Variants in ADAMTSL1 observed in about 807,000 individuals in gnomAD.
ADAMTSL1 encodes the protein ADAMTS like 1.
ADAMTSL1 carries 126 observed loss-of-function variants against 201.8 expected under a neutral mutation model. The observed-to-expected ratio is 0.62, with a 90% confidence interval of 0.54 to 0.72. The LOEUF (loss-of-function observed/expected upper bound fraction) is 0.72. Ranked by LOEUF, ADAMTSL1 falls within the 30% of genes least tolerant of loss-of-function variation. ADAMTSL1 has a pLI of 0.00. For synonymous variants in ADAMTSL1, 1,121 were observed against 903.4 expected, an observed-to-expected ratio of 1.24 and a Z score of -4.32; for missense variants, 2,679 against 2,277.8, an observed-to-expected ratio of 1.18 and a Z score of -3.59.
intron 23 of ADAMTSL1, among the ~76,000 whole-genome samples, chr9:18,883,849 G>T (rs1416134175): frequency 1.3e-5 from 2 of 151,818 alleles, no homozygotes; most frequent in Non-Finnish European, 2.9e-5. Context: ...AAATCTTTTG[G>T]GTATTATGAA....
intron 2 of ADAMTSL1, 141 bp downstream of exon 2, chr9:18,505,097 A>C (rs1823054590): frequency 3.5e-6 from 4 of 1,138,974 alleles, no homozygotes; most frequent in East Asian, 5.8e-5. Context: ...ACGTACAAAT[A>C]ATTAAATTTG....
chr9:18,842,348 T>C (rs1386931381), intron 23 of ADAMTSL1, among the ~76,000 whole-genome samples: 1 of 152,138 alleles, frequency 6.6e-6, no homozygotes, highest in Admixed American at 6.5e-5. Flanking sequence ...TTGAGCAGTT[T>C]TGAGTGAGTT....
At chr9:18,743,765 T>C (rs1208612887) in intron 15 of ADAMTSL1, among the ~76,000 whole-genome samples, 1 of 152,222 alleles carries the variant, frequency 6.6e-6, no homozygotes, top group East Asian at 1.9e-4. Context: ...CTTTCAAACA[T>C]ATTTTTGCTC....
At chr9:18,737,071 C>T (rs1208594117) in intron 15 of ADAMTSL1, among the ~76,000 whole-genome samples, 1 of 152,158 alleles carries the variant, frequency 6.6e-6, no homozygotes, top group Non-Finnish European at 1.5e-5. Context: ...GTAATCCCAA[C>T]ACTTTGGAAG....
At chr9:18,008,090 G>A (rs530479287) in intron 1 of ADAMTSL1, among the ~76,000 whole-genome samples, 1 of 152,122 alleles carries the variant, frequency 6.6e-6, no homozygotes, top group South Asian at 2.1e-4. Flanking sequence ...TTTTTATTGT[G>A]AGATATTTAG....
chr9:18,770,226 A>C (rs1423538668), intron 16 of ADAMTSL1, among the ~76,000 whole-genome samples: 3 of 152,210 alleles, frequency 2.0e-5, no homozygotes, highest in African/African-American at 7.2e-5. Flanking sequence ...TCTCCTGTTC[A>C]TTCTGGAAGC....
intron 1 of ADAMTSL1, among the ~76,000 whole-genome samples, chr9:18,071,184 G>T (rs1433127205): frequency 6.6e-6 from 1 of 152,198 alleles, no homozygotes; most frequent in African/African-American, 2.4e-5. Context: ...ATGTCCCCAA[G>T]TTGACAATAG....
intron 1 of ADAMTSL1, among the ~76,000 whole-genome samples, chr9:17,908,243 C>T (rs1033567633): frequency 2.6e-5 from 4 of 152,182 alleles, no homozygotes; most frequent in Admixed American, 1.3e-4. Flanking sequence ...CACCATGCTT[C>T]GTTCCTTGTC....
chr9:18,568,827 A>G (rs1248805255), intron 3 of ADAMTSL1, among the ~76,000 whole-genome samples: 2 of 151,908 alleles, frequency 1.3e-5, no homozygotes, highest in African/African-American at 2.4e-5. Context: ...CTACACATAA[A>G]AGCATTAATA....
intron 2 of ADAMTSL1, among the ~76,000 whole-genome samples, chr9:18,246,596 C>T (rs1349385607): frequency 1.3e-5 from 2 of 152,108 alleles, no homozygotes; most frequent in Admixed American, 6.6e-5. Flanking sequence ...TATAACAGTG[C>T]TCTAAAGTAT....
At chr9:18,445,999 A>T in intron 2 of ADAMTSL1, among the ~76,000 whole-genome samples, 1 of 152,152 alleles carries the variant, frequency 6.6e-6, no homozygotes. Flanking sequence ...GTTCATGAAG[A>T]TTAGTAACCT....
At chr9:18,147,791 G>A (rs1045430264) in intron 1 of ADAMTSL1, among the ~76,000 whole-genome samples, 6 of 152,098 alleles carry the variant, frequency 3.9e-5, no homozygotes, top group African/African-American at 7.2e-5. Context: ...AAGTAGGCAT[G>A]AAAATGAACA....
At chr9:18,894,566 G>T (rs1273299977) in intron 26 of ADAMTSL1, among the ~76,000 whole-genome samples, 1 of 151,834 alleles carries the variant, frequency 6.6e-6, no homozygotes, top group Non-Finnish European at 1.5e-5. Context: ...GAGAAAGGAA[G>T]GAAGTCAAAA....
intron 2 of ADAMTSL1, among the ~76,000 whole-genome samples, chr9:18,527,102 A>G (rs889468869): frequency 6.6e-6 from 1 of 152,176 alleles, no homozygotes; most frequent in African/African-American, 2.4e-5. Context: ...AGGCTGGGTA[A>G]CAGAATGAGA....
chr9:18,795,396 G>C lies in ADAMTSL1; in HGVS notation c.3678-1G>C. On this transcript the variant is annotated splice_acceptor_variant, in intron 19 of 28. Coordinates refer to ENST00000380548, the MANE Select transcript of ADAMTSL1 (RefSeq NM_001040272.6). LOFTEE classifies it high-confidence loss of function. Reference sequence around the variant, plus strand: ...TCTATATTTCTTTTCTGTCGCTCCAGGATTCTTCTACAGCCAGATGATTCC... The same window carrying C: ...TCTATATTTCTTTTCTGTCGCTCCACGATTCTTCTACAGCCAGATGATTCC... 1.9e-6 allele frequency: 3 copies of C among 1,613,784 alleles called. No individual in the cohort carries two copies. The highest frequency in any genetic ancestry group is 2.5e-6 in the Non-Finnish European group (3 of 1,179,790).
intron 3 of ADAMTSL1, among the ~76,000 whole-genome samples, chr9:18,569,388 A>G (rs1822151542): frequency 6.6e-6 from 1 of 152,204 alleles, no homozygotes; most frequent in African/African-American, 2.4e-5. Flanking sequence ...TAAATGGCTA[A>G]ATACAGTAAT....
intron 2 of ADAMTSL1, among the ~76,000 whole-genome samples, chr9:18,165,405 C>T (rs1392963736): frequency 6.6e-6 from 1 of 151,856 alleles, no homozygotes; most frequent in East Asian, 1.9e-4. Context: ...AGTAGTTCCA[C>T]TGAAACCAAT....
chr9:18,501,640 A>G (rs1822852079), intron 1 of ADAMTSL1, among the ~76,000 whole-genome samples: 1 of 152,260 alleles, frequency 6.6e-6, no homozygotes, highest in Non-Finnish European at 1.5e-5. Flanking sequence ...TTAAATAATC[A>G]GAAAGGCATC....
At chr9:17,968,506 G>A (rs553353652) in intron 1 of ADAMTSL1, among the ~76,000 whole-genome samples, 25 of 152,234 alleles carry the variant, frequency 1.6e-4, no homozygotes, top group African/African-American at 5.5e-4. Flanking sequence ...TATTCCTTCA[G>A]ATTGATGAGT....
Sources: allele counts gnomAD v4.1 joint callset (sites outside exome capture counted in the v4.1 genomes callset), GRCh38; gene constraint gnomAD v4.1.1; transcripts MANE v1.5; gene names NCBI Gene and HGNC (gene_info 2026-07-23, HGNC 2026-07-21).